The following MPND variants were observed in gnomAD, a reference collection of about 807,000 sequenced individuals.
MPND encodes MPN domain containing, also known as MPN domain-containing protein.
In MPND, 56 loss-of-function variants were observed where a neutral mutation model predicts 59.2. The ratio of observed to expected loss-of-function variants is 0.95; its 90% confidence interval spans 0.76 to 1.18. The LOEUF is 1.18. Among genes scored for constraint, MPND ranks in the 50% most tolerant of loss-of-function variants. The probability of loss-of-function intolerance (pLI) is 0.00; values close to 1 mark genes in which losing one functional copy is unlikely to be tolerated. For synonymous variants in MPND, 323 were observed against 291.9 expected (o/e 1.11, Z -1.09); for missense variants, 671 against 676.0 (o/e 0.99, Z 0.08).
Position 4,354,411 on chromosome 19 carries a change from G to A in MPND, c.837G>A (p.Leu279=), listed in dbSNP as rs749489570. ...PFNVAVSSNV[L]FLLDFHSHLT... is the part of the protein sequence containing the mutation. Reference sequence around the variant, plus strand: ...ACGTGGCTGTTTCTAGCAACGTGCTGTTCCTGCTGGTGTGTGGCCCACCCT... The same window carrying A: ...ACGTGGCTGTTTCTAGCAACGTGCTATTCCTGCTGGTGTGTGGCCCACCCT... Residue 279 remains leucine, a synonymous_variant, in exon 6 of 13, where the codon CTG becomes CTA. Transcript: ENST00000599840. The A allele has an allele frequency of 9.6e-6, 15 of 1,555,774 alleles. No homozygotes were observed. Among genetic ancestry groups the A allele is most frequent in the Middle Eastern group, 1.7e-4 (1 of 6,014 alleles).
rs149210749 is a variant in MPND, at chr19:4,355,399, G to A, written c.996+226G>A. On this transcript the variant is annotated intron_variant, in intron 8 of 12. Transcript: ENST00000599840. The stretch of plus-strand genomic sequence containing the variant: ...CACCCAGGCTAGAGTGCAGTGGTGC[G>A]ATCTCAGCTCCCTGCAAGCTCCGCC... Among the ~76,000 whole-genome samples, 21 of 147,568 alleles carry A rather than the reference G, an allele frequency of 1.4e-4. No homozygotes were observed. The East Asian group carries it at 3.6e-3, about 25-fold the overall frequency.
rs556857804 is a variant in MPND at position 4,355,779 on chromosome 19, C to T, written c.996+606C>T. Among the ~76,000 whole-genome samples the T allele has an allele frequency of 1.9e-4, 29 of 151,030 alleles. No individual in the cohort carries two copies. In the East Asian group the frequency reaches 2.8e-3, roughly 14 times the overall value. On this transcript the variant is annotated intron_variant, in intron 8 of 12. Coordinates refer to ENST00000599840, the MANE Select transcript of MPND (RefSeq NM_001300862.2). ...CCACCGTGCCTGGTCAGGATGGTCTCGATCTCTTGACCTCGTGATCTGCCC... is the reference window on the plus strand; with the variant it reads ...CCACCGTGCCTGGTCAGGATGGTCTTGATCTCTTGACCTCGTGATCTGCCC...
Position 4,354,429 on chromosome 19 carries a change from C to T in MPND, c.846+9C>T. The T allele has an allele frequency of 6.4e-7, 1 of 1,552,946 alleles. No individual in the cohort carries two copies. The highest frequency in any genetic ancestry group is 1.2e-5 in the South Asian group (1 of 84,178). On this transcript the variant is annotated intron_variant, in intron 6 of 12. Transcript: ENST00000599840. ...ACGTGCTGTTCCTGCTGGTGTGTGG[C>T]CCACCCTGTCTAGGGGCAAGGGGCT...
intron 9 of MPND, 45 bp downstream of exon 9, chr19:4,357,466 G>A: frequency 6.2e-7 from 1 of 1,609,530 alleles, no homozygotes; most frequent in Non-Finnish European, 8.5e-7. Context: ...GGGGGATGCT[G>A]GGCCAGCCGA....
intron 4 of MPND, 143 bp from the exon 5 acceptor site, chr19:4,353,902 C>A: frequency 1.5e-6 from 1 of 671,506 alleles, no homozygotes; most frequent in Non-Finnish European, 2.6e-6. Context: ...GATCACAGCT[C>A]CCTGCAGCCT....
intron 4 of MPND, 120 bp downstream of exon 4, chr19:4,353,149 G>A: frequency 1.3e-6 from 1 of 794,928 alleles, no homozygotes; most frequent in Non-Finnish European, 1.7e-6. Context: ...GACATGGAGA[G>A]TCAGCTGGGC....
At chr19:4,352,517 T>A (rs1972341844) in intron 3 of MPND, among the ~76,000 whole-genome samples, 1 of 152,002 alleles carries the variant, frequency 6.6e-6, no homozygotes, top group African/African-American at 2.4e-5. Context: ...AAATCCCGTC[T>A]CTACTAAGAA....
In MPND at chr19:4,351,861, C is replaced by CAA. The variant is rs1217874445; in HGVS notation, c.532-1018_532-1017dup. Among the ~76,000 whole-genome samples the CAA allele has an allele frequency of 2.9e-4, 15 of 51,404 alleles. 1 individual carries two copies. The highest frequency in any genetic ancestry group is 1.2e-3 in the African/African-American group (14 of 11,796). The allele number at this position is 51,404 out of a possible 152,430, so 33.7% of individuals were successfully genotyped here. ...TCGGCGACAGAGTGAGACTCTGTCTCAAAAAAAAAAAAAAAAAAAGAATAG... is the reference window on the plus strand; with the variant it reads ...TCGGCGACAGAGTGAGACTCTGTCTCAAAAAAAAAAAAAAAAAAAAAGAATAG... On this transcript the variant is annotated intron_variant, in intron 3 of 12. Coordinates refer to ENST00000599840, the MANE Select transcript of MPND (RefSeq NM_001300862.2).
In MPND at chr19:4,359,926, C is replaced by T. The variant is rs1392618719; in HGVS notation, c.1430C>T (p.Ala477Val). The change falls in exon 13 of 13, where the codon GCC becomes GTC. Residue 477 changes from alanine (A) to valine (V), a missense_variant. Transcript: ENST00000599840. ...GCCCCCTCGTTTCAGATCTCCTTGG[C>T]CAGCAGGACGCCCAAGGACCAGAGC... Reference protein sequence around the residue: ...TYLDKLKISLASRTPKDQSLC... With the variant: ...TYLDKLKISLVSRTPKDQSLC... The T allele has an allele frequency of 1.9e-6, 3 of 1,569,568 alleles. No individual in the cohort carries two copies. Among genetic ancestry groups the T allele is most frequent in the Non-Finnish European group, 1.7e-6 (2 of 1,156,956 alleles).
At position 4,353,022 on chromosome 19, in the gene MPND, C is replaced by A; in HGVS notation, c.657C>A (p.Ala219=). ...TGGGGAAGAGCCCTTCAGAGCCTGC[C>A]CACCCGGGTGAGAGGCGTGGGGAGG... ...RPLGKSPSEP[A]HPEATTPGKR... Residue 219 remains alanine, a synonymous_variant, in exon 4 of 13, where the codon GCC becomes GCA. Transcript: ENST00000599840. 1 of 1,342,394 alleles carries A rather than the reference C, an allele frequency of 7.4e-7. No individual in the cohort carries two copies. Among genetic ancestry groups the A allele is most frequent in the Admixed American group, 3.0e-5 (1 of 33,686 alleles). 83.2% of individuals were successfully genotyped at this position (1,342,394 alleles called of 1,614,324 possible).
chr19:4,347,722 C>G, intron 3 of MPND: 2 of 771,442 alleles, frequency 2.6e-6, no homozygotes, highest in South Asian at 1.8e-5. Flanking sequence ...CTCACTTAAG[C>G]TTCAGTGAGC....
At chr19:4,353,963 C>A (rs1238912417) in intron 4 of MPND, 82 bp from the exon 5 acceptor site, 6 of 1,179,182 alleles carry the variant, frequency 5.1e-6, no homozygotes, top group Non-Finnish European at 7.5e-6. Flanking sequence ...GGATTATAGG[C>A]ATGCACCACC....
intron 3 of MPND, among the ~76,000 whole-genome samples, chr19:4,351,057 G>A (rs551010503): frequency 5.3e-5 from 8 of 152,246 alleles, no homozygotes; most frequent in African/African-American, 1.9e-4. Context: ...ACCCAGAGAG[G>A]TCACCTCCAC....
chr19:4,355,503 T>C (rs899754083), intron 8 of MPND, among the ~76,000 whole-genome samples: 5 of 151,926 alleles, frequency 3.3e-5, no homozygotes, highest in Non-Finnish European at 7.4e-5. Flanking sequence ...GCCCAGCTAA[T>C]TTTTTGTGTT....
At chr19:4,357,483 C>T (rs779946104) in intron 9 of MPND, 32 bp from the exon 10 acceptor site, 14 of 1,611,374 alleles carry the variant, frequency 8.7e-6, no homozygotes, top group Non-Finnish European at 1.0e-5. Context: ...CCGAGCCTCC[C>T]AGGGCCAACC....
At chr19:4,346,090 C>T (rs901483921) in intron 3 of MPND, 109 bp downstream of exon 3, 51 of 910,418 alleles carry the variant, frequency 5.6e-5, no homozygotes, top group Non-Finnish European at 7.5e-5. Flanking sequence ...TATACAAACA[C>T]GGATGGAGCC....
At chr19:4,359,006 G>GGC (rs1972511785) in intron 11 of MPND, among the ~76,000 whole-genome samples, 157 bp from the exon 12 acceptor site, 1 of 152,118 alleles carries the variant, frequency 6.6e-6, no homozygotes, top group South Asian at 2.1e-4. Flanking sequence ...TAAGCTAGGT[G>GGC]AGCCCTCTGG....
chr19:4,346,419 T>C (rs928568418), intron 3 of MPND, among the ~76,000 whole-genome samples: 2 of 151,946 alleles, frequency 1.3e-5, no homozygotes, highest in African/African-American at 4.8e-5. Flanking sequence ...TGTGCCTTAG[T>C]TTTTTTCTTT....
chr19:4,358,357 T>G, intron 11 of MPND, 185 bp downstream of exon 11: 1 of 593,472 alleles, frequency 1.7e-6, no homozygotes, highest in Middle Eastern at 4.5e-4. Context: ...CTCCAACTTC[T>G]GCCCTCCCTC....
Sources: gnomAD v4.1 joint callset for allele counts (sites outside exome capture counted in the v4.1 genomes callset) on GRCh38, gnomAD v4.1.1 for gene constraint, MANE v1.5 for transcripts, NCBI Gene and HGNC (gene_info 2026-07-23, HGNC 2026-07-21) for gene names.